ZBTB20: variants seen among roughly 807,000 people sequenced by gnomAD.
ZBTB20 encodes the protein zinc finger and BTB domain-containing protein 20.
A neutral mutation model predicts 56.9 loss-of-function variants in ZBTB20; 9 were observed. The ratio of observed to expected loss-of-function variants is 0.16; its 90% CI spans 0.10 to 0.28. ZBTB20 has a LOEUF of 0.28. Among genes scored for constraint, ZBTB20 ranks in the 10% least tolerant of loss-of-function variants. The pLI, the probability that ZBTB20 is intolerant of heterozygous loss-of-function variation, is 1.00. For synonymous variants in ZBTB20, 417 were observed against 420.7 expected, an observed-to-expected ratio of 0.99 and a Z score of 0.11; for missense variants, 655 against 1,003.0, an observed-to-expected ratio of 0.65 and a Z score of 4.69.
At chr3:114,636,081 T>C (rs1182701532) in intron 6 of ZBTB20, among the ~76,000 whole-genome samples, 2 of 152,028 alleles carry the variant, frequency 1.3e-5, no homozygotes, top group African/African-American at 2.4e-5. Flanking sequence ...TGTCAGCAAA[T>C]TTCTCAGCAG....
At chr3:114,653,573 C>G (rs991098325) in intron 6 of ZBTB20, among the ~76,000 whole-genome samples, 1 of 151,786 alleles carries the variant, frequency 6.6e-6, no homozygotes, top group Non-Finnish European at 1.5e-5. Context: ...GAATATTGGC[C>G]TATACTTTTA....
intron 4 of ZBTB20, among the ~76,000 whole-genome samples, chr3:114,899,024 T>C (rs2075002362): frequency 1.3e-5 from 2 of 152,106 alleles, no homozygotes; most frequent in African/African-American, 4.8e-5. Flanking sequence ...ATCAAAAATA[T>C]AGATATCTGT....
intron 2 of ZBTB20, among the ~76,000 whole-genome samples, chr3:115,068,226 A>G (rs1036556640): frequency 2.0e-5 from 3 of 151,998 alleles, no homozygotes; most frequent in African/African-American, 7.2e-5. Context: ...ATTGTATAGT[A>G]TATAAAGGCT....
chr3:114,696,258 A>C (rs1209726935), intron 5 of ZBTB20, among the ~76,000 whole-genome samples: 2 of 152,108 alleles, frequency 1.3e-5, no homozygotes, highest in Non-Finnish European at 2.9e-5. Context: ...AACTTTAGTA[A>C]AATTAAATGA....
intron 6 of ZBTB20, among the ~76,000 whole-genome samples, chr3:114,621,857 C>T (rs998528405): frequency 2.6e-5 from 4 of 152,068 alleles, no homozygotes; most frequent in Admixed American, 2.0e-4. Flanking sequence ...AAAAATACAT[C>T]GTCTTGCCTT....
rs1275976497 is a variant in ZBTB20 at position 114,321,802 on chromosome 3, A to G, written c.*17203T>C. The G allele has an allele frequency of 2.6e-5, 4 of 152,246 alleles. No individual in the cohort carries two copies. Among genetic ancestry groups the G allele is most frequent in the African/African-American group, 9.6e-5 (4 of 41,460 alleles). The allele number at this position is 152,246 out of a possible 1,614,324, so 9.4% of individuals were successfully genotyped here. Reference sequence around the variant, plus strand: ...GAGTTTAGAATCTAGTGCAAATATCATCAAATCACAGCATTCCAGAGCAAT... The same window carrying G: ...GAGTTTAGAATCTAGTGCAAATATCGTCAAATCACAGCATTCCAGAGCAAT... On this transcript the variant is annotated 3_prime_UTR_variant, in exon 12 of 12. Coordinates refer to ENST00000675478, the MANE Select transcript of ZBTB20 (RefSeq NM_001348800.3).
chr3:114,956,440 C>T (rs1406433194), intron 3 of ZBTB20, among the ~76,000 whole-genome samples: 3 of 152,126 alleles, frequency 2.0e-5, no homozygotes, highest in Non-Finnish European at 2.9e-5. Flanking sequence ...GGAAATAGGC[C>T]AATAATAATC....
At chr3:114,364,064 TA>T (rs997066349) in intron 10 of ZBTB20, among the ~76,000 whole-genome samples, 65 of 35,588 alleles carry the variant, frequency 1.8e-3, no homozygotes, top group African/African-American at 2.6e-3. Context: ...TTCACTGTAA[TA>T]TTTTTTTTTT....
At chr3:114,735,328 T>C (rs1334993245) in intron 5 of ZBTB20, among the ~76,000 whole-genome samples, 1 of 152,130 alleles carries the variant, frequency 6.6e-6, no homozygotes, top group East Asian at 1.9e-4. Flanking sequence ...GAAAAATGTC[T>C]GGATCAAATA....
chr3:114,595,891 T>C (rs1453831874), intron 6 of ZBTB20, among the ~76,000 whole-genome samples: 1 of 152,234 alleles, frequency 6.6e-6, no homozygotes, highest in Non-Finnish European at 1.5e-5. Context: ...CTTGTAGACC[T>C]TGAAAGTCCA....
intron 2 of ZBTB20, among the ~76,000 whole-genome samples, chr3:115,045,302 A>T (rs2081292767): frequency 6.6e-6 from 1 of 152,160 alleles, no homozygotes; most frequent in African/African-American, 2.4e-5. Context: ...ATAAACATAA[A>T]TACATATTTT....
At chr3:115,008,052 T>C (rs538987748) in intron 2 of ZBTB20, among the ~76,000 whole-genome samples, 34 of 151,850 alleles carry the variant, frequency 2.2e-4, no homozygotes, top group Admixed American at 1.3e-3. Context: ...TGAGTGATTA[T>C]ATTCACATCT....
intron 5 of ZBTB20, among the ~76,000 whole-genome samples, chr3:114,708,701 A>T (rs2063865363): frequency 6.6e-6 from 1 of 152,156 alleles, no homozygotes; most frequent in South Asian, 2.1e-4. Flanking sequence ...ATAACCAACA[A>T]TATATGTACA....
intron 6 of ZBTB20, among the ~76,000 whole-genome samples, chr3:114,632,752 C>T (rs1258573636): frequency 1.3e-5 from 2 of 152,058 alleles, no homozygotes; most frequent in African/African-American, 4.8e-5. Flanking sequence ...CATGAGAATA[C>T]AGAATGGAAG....
chr3:114,491,238 G>C (rs992753275), intron 7 of ZBTB20, among the ~76,000 whole-genome samples: 1 of 152,158 alleles, frequency 6.6e-6, no homozygotes, highest in Non-Finnish European at 1.5e-5. Flanking sequence ...CATTTCTTCT[G>C]ATTTTGCACC....
chr3:114,755,582 AT>A (rs879379706), intron 5 of ZBTB20, among the ~76,000 whole-genome samples: 39 of 150,846 alleles, frequency 2.6e-4, no homozygotes, highest in East Asian at 1.7e-3. Context: ...TTTACATGAA[AT>A]TTTTTTTTTA....
intron 7 of ZBTB20, among the ~76,000 whole-genome samples, chr3:114,418,278 T>A (rs964575248): frequency 6.6e-6 from 1 of 152,088 alleles, no homozygotes; most frequent in African/African-American, 2.4e-5. Flanking sequence ...CAACTAAACA[T>A]TTCCCCAAGC....
chr3:114,604,435 T>G (rs1296105589), intron 6 of ZBTB20, among the ~76,000 whole-genome samples: 1 of 152,014 alleles, frequency 6.6e-6, no homozygotes, highest in Non-Finnish European at 1.5e-5. Context: ...TGGGGAGAAG[T>G]GAAGACGTTT....
chr3:114,814,237 TTTATA>T (rs2108890907), intron 4 of ZBTB20, among the ~76,000 whole-genome samples: 2 of 149,734 alleles, frequency 1.3e-5, no homozygotes, highest in South Asian at 4.2e-4. Context: ...ATTTACTTAA[TTTATA>T]TTATATATTT....
Sources: allele counts gnomAD v4.1 joint callset (sites outside exome capture counted in the v4.1 genomes callset), GRCh38; gene constraint gnomAD v4.1.1; transcripts MANE v1.5; gene names NCBI Gene and HGNC (gene_info 2026-07-23, HGNC 2026-07-21).